DYTN: variants seen among roughly 807,000 people sequenced by gnomAD.
DYTN encodes dystrotelin.
DYTN carries 75 observed loss-of-function variants against 69.6 expected under a neutral mutation model. That is an observed-to-expected ratio of 1.08 (90% CI 0.89 to 1.31). DYTN has a LOEUF of 1.31. Ranked by LOEUF, DYTN falls within the 50% of genes most tolerant of loss-of-function variation. DYTN has a pLI of 0.00. For missense variants in DYTN, 726 were observed against 688.4 expected, an observed-to-expected ratio of 1.05 and a Z score of -0.61; for synonymous variants, 252 against 249.1, an observed-to-expected ratio of 1.01 and a Z score of -0.11.
chr2:206,673,771 G>T (rs1013602958), intron 9 of DYTN, among the ~76,000 whole-genome samples: 3 of 152,156 alleles, frequency 2.0e-5, no homozygotes, highest in Non-Finnish European at 4.4e-5. Context: ...GTCCGCTAAC[G>T]TGGTAAACAA....
intron 11 of DYTN, among the ~76,000 whole-genome samples, chr2:206,656,201 C>A (rs900339307): frequency 2.6e-5 from 4 of 152,134 alleles, no homozygotes; most frequent in Non-Finnish European, 2.9e-5. Context: ...ATAGTATCTT[C>A]TGGGTAAATT....
intron 11 of DYTN, among the ~76,000 whole-genome samples, chr2:206,655,454 G>C (rs56165323): frequency 6.6e-6 from 1 of 152,008 alleles, no homozygotes; most frequent in Non-Finnish European, 1.5e-5. Context: ...CTGTCACCCA[G>C]GCTGGAGTGC....
chr2:206,717,686 C>A (rs1700142357), intron 1 of DYTN, among the ~76,000 whole-genome samples: 1 of 152,116 alleles, frequency 6.6e-6, no homozygotes, highest in African/African-American at 2.4e-5. Context: ...TCATATAAAA[C>A]AAGTAAGATA....
intron 7 of DYTN, among the ~76,000 whole-genome samples, chr2:206,696,392 A>ATAAGG (rs753264544): frequency 6.6e-6 from 1 of 152,134 alleles, no homozygotes; most frequent in Non-Finnish European, 1.5e-5. Flanking sequence ...GAGAATGTAA[A>ATAAGG]TACCTTGAGA....
chr2:206,712,262 G>A (rs1172813793), intron 1 of DYTN, among the ~76,000 whole-genome samples: 1 of 152,100 alleles, frequency 6.6e-6, no homozygotes. Flanking sequence ...AGGCCCCGGG[G>A]GTAAATCTGA....
rs533678657 is a variant in DYTN at position 206,681,292 on chromosome 2, C to G, written c.980+11883G>C. ...TTTTGGGCTGAGACAATGGGGCTTT[C>G]TAAATAAAGAATCATGTCATCTGCA... On this transcript the variant is annotated intron_variant, in intron 9 of 11. Transcript: ENST00000452335. 1.2e-4 allele frequency among the ~76,000 whole-genome samples: 19 copies of G among 152,304 alleles called. No individual in the cohort carries two copies. In the East Asian group the frequency reaches 3.5e-3, roughly 28 times the overall value.
At chr2:206,659,192 G>A (rs1401055287) in intron 11 of DYTN, among the ~76,000 whole-genome samples, 3 of 90,374 alleles carry the variant, frequency 3.3e-5, no homozygotes, top group Admixed American at 1.8e-4. Flanking sequence ...TTTTTTTTGA[G>A]ACGGAGTCTC....
intron 9 of DYTN, among the ~76,000 whole-genome samples, chr2:206,669,605 T>C (rs1468072155): frequency 6.6e-6 from 1 of 152,204 alleles, no homozygotes; most frequent in East Asian, 1.9e-4. Flanking sequence ...TTTAAAATGA[T>C]TCATTTTAAA....
At chr2:206,667,439 G>C (rs35255317) in intron 9 of DYTN, among the ~76,000 whole-genome samples, 14,748 of 151,964 alleles carry the variant, frequency 0.097, 889 homozygotes, top group Non-Finnish European at 0.14. Context: ...GGCATTATCT[G>C]ACTGCCCTAC....
chr2:206,692,934 T>C (rs1699880106), intron 9 of DYTN, among the ~76,000 whole-genome samples: 1 of 152,200 alleles, frequency 6.6e-6, no homozygotes, highest in Non-Finnish European at 1.5e-5. Flanking sequence ...TCTGATGGTT[T>C]CATTTGTAGA....
rs370295712 is a variant in DYTN, at chr2:206,661,094, C to A, written c.1633+1809G>T. ...AAATTTGGACATAGACATAGACATA[C>A]ATAGAAGGAAGGCCATATAAAGGCA... On this transcript the variant is annotated intron_variant, in intron 11 of 11. Coordinates refer to ENST00000452335, the MANE Select transcript of DYTN (RefSeq NM_001093730.1). Among the ~76,000 whole-genome samples the A allele has an allele frequency of 3.3e-5, 5 of 152,128 alleles. No individual in the cohort carries two copies. In the East Asian group the frequency reaches 7.7e-4, roughly 23 times the overall value.
intron 2 of DYTN, among the ~76,000 whole-genome samples, chr2:206,709,322 G>A (rs1357619794): frequency 3.9e-5 from 6 of 152,004 alleles, no homozygotes; most frequent in Admixed American, 3.3e-4. Context: ...GGTGGCTCAC[G>A]CCTGTGGTCC....
At chr2:206,666,057 T>C (rs769999159) in intron 9 of DYTN, 28 bp from the exon 10 acceptor site, 1 of 1,609,394 alleles carries the variant, frequency 6.2e-7, no homozygotes, top group Non-Finnish European at 8.5e-7. Context: ...TTGAGCGGTT[T>C]GGAAGGGCAA....
chr2:206,669,625 TAAG>T, intron 9 of DYTN, among the ~76,000 whole-genome samples: 1 of 152,220 alleles, frequency 6.6e-6, no homozygotes, highest in Non-Finnish European at 1.5e-5. Flanking sequence ...ATAATCATTT[TAAG>T]AAGGTAAGTT....
chr2:206,670,392 A>G (rs1699617573), intron 9 of DYTN: 1 of 152,068 alleles, frequency 6.6e-6, no homozygotes, highest in Non-Finnish European at 1.5e-5. Flanking sequence ...TTAAAAAAAA[A>G]TGGTAAAATT....
At chr2:206,676,978 G>A (rs753049816) in intron 9 of DYTN, among the ~76,000 whole-genome samples, 5 of 152,042 alleles carry the variant, frequency 3.3e-5, no homozygotes, top group African/African-American at 4.8e-5. Flanking sequence ...ACAGGGACTC[G>A]CTCTGACACC....
intron 9 of DYTN, among the ~76,000 whole-genome samples, chr2:206,679,353 C>T (rs1699725595): frequency 6.6e-6 from 1 of 152,122 alleles, no homozygotes; most frequent in Admixed American, 6.6e-5. Context: ...TTGACAGAGT[C>T]AAGTAGCCAA....
At chr2:206,681,035 C>G (rs1408117263) in intron 9 of DYTN, among the ~76,000 whole-genome samples, 2 of 152,094 alleles carry the variant, frequency 1.3e-5, no homozygotes, top group African/African-American at 4.8e-5. Flanking sequence ...CATTTGTGTC[C>G]TCTCTTATTT....
intron 9 of DYTN, among the ~76,000 whole-genome samples, chr2:206,691,412 TA>T (rs202176250): frequency 1.3e-5 from 2 of 150,620 alleles, no homozygotes; most frequent in African/African-American, 4.9e-5. Context: ...GACTCCATCT[TA>T]AAAAAAAAAT....
Sources: allele counts gnomAD v4.1 joint callset (sites outside exome capture counted in the v4.1 genomes callset), GRCh38; gene constraint gnomAD v4.1.1; transcripts MANE v1.5; gene names NCBI Gene and HGNC (gene_info 2026-07-23, HGNC 2026-07-21).